The following RBFOX1 variants were observed in gnomAD, a reference collection of about 807,000 sequenced individuals.
The protein encoded by RBFOX1 is RNA binding protein fox-1 homolog 1.
In RBFOX1, 8 loss-of-function variants were observed where a neutral mutation model predicts 57.7. That is an observed-to-expected ratio of 0.14 (90% CI 0.08 to 0.25). RBFOX1 has a LOEUF of 0.25. RBFOX1 is among the 10% of genes least tolerant of loss of function. The pLI, the probability that RBFOX1 is intolerant of heterozygous loss-of-function variation, is 1.00. For missense variants in RBFOX1, 611 were observed against 548.5 expected (o/e 1.11, Z -1.14); for synonymous variants, 326 against 222.4 (o/e 1.47, Z -4.15).
chr16:5,293,319 G>A (rs150895842), intron 1 of RBFOX1, among the ~76,000 whole-genome samples: 1 of 152,152 alleles, frequency 6.6e-6, no homozygotes, highest in African/African-American at 2.4e-5. Context: ...CGGTCACGCT[G>A]TGTTGAGATT....
chr16:7,475,732 A>T (rs1599390849), intron 4 of RBFOX1, among the ~76,000 whole-genome samples: 2 of 152,164 alleles, frequency 1.3e-5, no homozygotes, highest in African/African-American at 2.4e-5. Context: ...TATTGAACCT[A>T]TCTGGGCCTC....
chr16:5,385,702 C>G (rs58980642), intron 1 of RBFOX1, among the ~76,000 whole-genome samples: 1 of 152,176 alleles, frequency 6.6e-6, no homozygotes, highest in Non-Finnish European at 1.5e-5. Flanking sequence ...AATTTTGTAG[C>G]CTCTGCTCAG....
At chr16:7,096,218 G>A (rs1257417771) in intron 4 of RBFOX1, among the ~76,000 whole-genome samples, 5 of 152,062 alleles carry the variant, frequency 3.3e-5, no homozygotes, top group Admixed American at 1.3e-4. Context: ...GTCGATAAAA[G>A]TGTTATTGCT....
At chr16:7,365,049 A>G (rs982102407) in intron 4 of RBFOX1, among the ~76,000 whole-genome samples, 40 of 152,288 alleles carry the variant, frequency 2.6e-4, no homozygotes, top group African/African-American at 9.1e-4. Flanking sequence ...TCCGTCGTCT[A>G]TCAATCATCT....
At chr16:6,148,721 A>G (rs2096776805) in intron 1 of RBFOX1, among the ~76,000 whole-genome samples, 1 of 152,330 alleles carries the variant, frequency 6.6e-6, no homozygotes, top group East Asian at 1.9e-4. Flanking sequence ...GATCCAGAGT[A>G]AAGTTCATTT....
At chr16:6,924,169 A>AAAAAATAAT (rs150941443) in intron 3 of RBFOX1, among the ~76,000 whole-genome samples, 12 of 146,670 alleles carry the variant, frequency 8.2e-5, no homozygotes, top group Non-Finnish European at 1.8e-4. Context: ...TCTGTCTCAA[A>AAAAAATAAT]AATAATAATA....
At chr16:7,502,895 T>TGCCTGTAATCCTA (rs2071451813) in intron 4 of RBFOX1, among the ~76,000 whole-genome samples, 2 of 152,056 alleles carry the variant, frequency 1.3e-5, no homozygotes, top group African/African-American at 4.8e-5. Context: ...TGGTGGCAGG[T>TGCCTGTAATCCTA]GCCTGTAATC....
chr16:7,390,052 C>T (rs954853282), intron 4 of RBFOX1, among the ~76,000 whole-genome samples: 1 of 152,102 alleles, frequency 6.6e-6, no homozygotes, highest in South Asian at 2.1e-4. Flanking sequence ...GAAAACGAAG[C>T]AAGCACATCC....
At chr16:6,613,165 C>T (rs1024160704) in intron 2 of RBFOX1, among the ~76,000 whole-genome samples, 3 of 152,058 alleles carry the variant, frequency 2.0e-5, no homozygotes, top group South Asian at 2.1e-4. Flanking sequence ...ATGCTTGCTG[C>T]GTGGGTCCCT....
At chr16:6,566,159 G>C (rs1023364474) in intron 2 of RBFOX1, among the ~76,000 whole-genome samples, 1 of 152,168 alleles carries the variant, frequency 6.6e-6, no homozygotes, top group Non-Finnish European at 1.5e-5. Context: ...CTATGCCTAA[G>C]TCCAAGTAGG....
chr16:7,157,659 G>T (rs996677077), intron 4 of RBFOX1, among the ~76,000 whole-genome samples: 1 of 152,106 alleles, frequency 6.6e-6, no homozygotes, highest in Non-Finnish European at 1.5e-5. Flanking sequence ...TGGTGGAAAT[G>T]ACAGTATCTC....
In RBFOX1 at chr16:5,735,228, T is replaced by A. The variant is rs559011603; in HGVS notation, c.319-132075T>A. Among the ~76,000 whole-genome samples the A allele has an allele frequency of 9.2e-5, 14 of 152,252 alleles. No homozygotes were observed. In the South Asian group the frequency reaches 2.7e-3, roughly 29 times the overall value. The stretch of plus-strand genomic sequence containing the variant: ...ATCTCAGTTTAACTGAAGGAAGGGG[T>A]CAGGACCCTCCATGGGCACCAAGGA... On this transcript the variant is annotated intron_variant, in intron 3 of 19. Transcript: ENST00000641259.
At chr16:6,998,925 G>T (rs1018890330) in intron 3 of RBFOX1, among the ~76,000 whole-genome samples, 19 of 150,906 alleles carry the variant, frequency 1.3e-4, no homozygotes, top group African/African-American at 4.6e-4. Context: ...CTGGAGTGCA[G>T]TGGCACGATC....
At chr16:6,504,122 T>G (rs980780460) in intron 2 of RBFOX1, among the ~76,000 whole-genome samples, 1 of 152,198 alleles carries the variant, frequency 6.6e-6, no homozygotes, top group Non-Finnish European at 1.5e-5. Context: ...GGTAAGGTAG[T>G]CAGTAGTCAT....
chr16:5,544,951 C>CTTTTTT lies in RBFOX1; in HGVS notation c.259-53913_259-53908dup, dbSNP rs59873374. Among the ~76,000 whole-genome samples the CTTTTTT allele has an allele frequency of 2.1e-3, 261 of 124,324 alleles. 22 individuals carry two copies. The highest frequency in any genetic ancestry group is 2.9e-3 in the Non-Finnish European group (174 of 60,958). 81.6% of individuals were successfully genotyped at this position (124,324 alleles called of 152,430 possible). A position where few individuals can be genotyped will look rare whatever the true frequency, so the allele number is the denominator to read the frequency against. Reference sequence around the variant, plus strand: ...GTATAGATGGCCTTACTATTACATTCTTTTTTTTTTTTTTTTTTTTTTTTT... The same window carrying CTTTTTT: ...GTATAGATGGCCTTACTATTACATTCTTTTTTTTTTTTTTTTTTTTTTTTTTTTTTT... On this transcript the variant is annotated intron_variant, in intron 2 of 2. Transcript: ENST00000585867.
At chr16:6,395,910 C>CA (rs1362284425) in intron 2 of RBFOX1, among the ~76,000 whole-genome samples, 3 of 151,526 alleles carry the variant, frequency 2.0e-5, no homozygotes, top group South Asian at 4.2e-4. Context: ...TGCTAAAATA[C>CA]AAAAAATTAG....
chr16:6,032,877 T>C lies in RBFOX1; in HGVS notation c.-127+12885T>C, dbSNP rs114459935. On this transcript the variant is annotated intron_variant, in intron 1 of 15. Transcript: ENST00000550418. Reference sequence around the variant, plus strand: ...AGTGGTTTCAAAATGCAAAACCTAGTGTAAGTTTTTTTTTTTTTTTTCCCT... The same window carrying C: ...AGTGGTTTCAAAATGCAAAACCTAGCGTAAGTTTTTTTTTTTTTTTTCCCT... 4.2e-3 allele frequency among the ~76,000 whole-genome samples: 530 copies of C among 127,478 alleles called. 4 individuals carry two copies. Among genetic ancestry groups the C allele is most frequent in the African/African-American group, 0.014 (508 of 36,548 alleles). 83.6% of individuals were successfully genotyped at this position (127,478 alleles called of 152,430 possible). A position where few individuals can be genotyped will look rare whatever the true frequency, so the allele number is the denominator to read the frequency against.
intron 2 of RBFOX1, among the ~76,000 whole-genome samples, chr16:5,563,413 C>G (rs1039350565): frequency 1.3e-5 from 2 of 152,198 alleles, no homozygotes; most frequent in Non-Finnish European, 2.9e-5. Flanking sequence ...ATCTACTGAA[C>G]TACAATGCTT....
chr16:7,541,334 C>T (rs2082868487), intron 5 of RBFOX1, among the ~76,000 whole-genome samples: 1 of 152,210 alleles, frequency 6.6e-6, no homozygotes, highest in Admixed American at 6.5e-5. Flanking sequence ...AAAGGACCAG[C>T]TCCACGTGAA....
Sources: gnomAD v4.1 joint callset for allele counts (sites outside exome capture counted in the v4.1 genomes callset) on GRCh38, gnomAD v4.1.1 for gene constraint, MANE v1.5 for transcripts, NCBI Gene and HGNC (gene_info 2026-07-23, HGNC 2026-07-21) for gene names.